The following ATRN variants were observed in gnomAD, a reference collection of about 807,000 sequenced individuals.
ATRN encodes attractin-2.
Under a neutral mutation model 178.7 loss-of-function variants are expected in ATRN, and 54 were observed. The ratio of observed to expected loss-of-function variants is 0.30; its 90% CI spans 0.24 to 0.38. The LOEUF is 0.38. Among genes scored for constraint, ATRN ranks in the 10% least tolerant of loss-of-function variants. The pLI is 1.00. For synonymous variants in ATRN, 636 were observed against 663.0 expected (o/e 0.96, Z 0.63); for missense variants, 1,443 against 1,815.1 (o/e 0.79, Z 3.73).
Position 3,479,541 on chromosome 20 carries a change from T to C in ATRN, c.410+8024T>C, listed in dbSNP as rs534251360. 1.1e-4 allele frequency among the ~76,000 whole-genome samples: 16 copies of C among 152,306 alleles called. 1 individual carries two copies. The South Asian group carries it at 3.3e-3, about 32-fold the overall frequency. On this transcript the variant is annotated intron_variant, in intron 1 of 28. Transcript: ENST00000262919. ...GGGGAGAAAGACATTCCAGAAGGAATGAAGAGTTGATGTGCAAAGGCAAAG... is the reference window on the plus strand; with the variant it reads ...GGGGAGAAAGACATTCCAGAAGGAACGAAGAGTTGATGTGCAAAGGCAAAG...
At chr20:3,622,157 AT>A (rs1422036621) in intron 24 of ATRN, among the ~76,000 whole-genome samples, 1 of 152,234 alleles carries the variant, frequency 6.6e-6, no homozygotes, top group Non-Finnish European at 1.5e-5. Context: ...TGATAGCTCC[AT>A]CATGGAGTCC....
chr20:3,639,036 C>T, intron 27 of ATRN, 101 bp downstream of exon 27: 2 of 772,984 alleles, frequency 2.6e-6, no homozygotes, highest in South Asian at 4.2e-5. Context: ...CCATTACCTC[C>T]TTTTTTTCCT....
intron 15 of ATRN, among the ~76,000 whole-genome samples, chr20:3,579,504 CA>C (rs888383064): frequency 6.6e-6 from 1 of 151,668 alleles, no homozygotes; most frequent in African/African-American, 2.4e-5. Context: ...AAAAGAACAG[CA>C]AAAAAAAGAA....
In ATRN at chr20:3,643,507, TA is replaced by T. The variant is rs545839327; in HGVS notation, c.4051-636del. ...ATAGTGAGACCCCATTTCTATTCTT[TA>T]AAAAAAAAAAGGAAAGGAAAGAAAA... On this transcript the variant is annotated intron_variant, in intron 27 of 28. Transcript: ENST00000262919. Among the ~76,000 whole-genome samples the T allele has an allele frequency of 6.5e-4, 94 of 144,018 alleles. 1 individual carries two copies. Among genetic ancestry groups the T allele is most frequent in the Admixed American group, 7.6e-4 (11 of 14,464 alleles). The allele number at this position is 144,018 out of a possible 152,430, so 94.5% of individuals were successfully genotyped here. A position where few individuals can be genotyped will look rare whatever the true frequency, so the allele number is the denominator to read the frequency against.
chr20:3,523,507 A>G (rs2085324071), intron 1 of ATRN, among the ~76,000 whole-genome samples: 1 of 152,180 alleles, frequency 6.6e-6, no homozygotes, highest in South Asian at 2.1e-4. Flanking sequence ...GATATTTTCC[A>G]GGAGAACTTC....
At chr20:3,609,863 AAT>A (rs1220317305) in intron 24 of ATRN, among the ~76,000 whole-genome samples, 1 of 152,206 alleles carries the variant, frequency 6.6e-6, no homozygotes, top group Non-Finnish European at 1.5e-5. Flanking sequence ...CAAGAGGACA[AAT>A]ATTGAATGAT....
At chr20:3,618,642 C>T (rs989377242) in intron 24 of ATRN, among the ~76,000 whole-genome samples, 7 of 152,118 alleles carry the variant, frequency 4.6e-5, no homozygotes, top group African/African-American at 1.4e-4. Context: ...GGTGAGTGTT[C>T]GTTTGCATGG....
chr20:3,599,742 C>T (rs1300121865), intron 22 of ATRN, among the ~76,000 whole-genome samples: 2 of 152,134 alleles, frequency 1.3e-5, no homozygotes, highest in Non-Finnish European at 2.9e-5. Context: ...GTCCTGGAAC[C>T]GATGACCCAC....
chr20:3,516,346 G>A (rs529831949), intron 1 of ATRN, among the ~76,000 whole-genome samples: 1 of 152,134 alleles, frequency 6.6e-6, no homozygotes, highest in African/African-American at 2.4e-5. Flanking sequence ...AGAGAGTTGG[G>A]CTTCTCCAGG....
At chr20:3,609,449 A>G (rs2086729618) in intron 24 of ATRN, among the ~76,000 whole-genome samples, 1 of 152,168 alleles carries the variant, frequency 6.6e-6, no homozygotes. Flanking sequence ...TTTTCTGTAT[A>G]TAAGATTATA....
chr20:3,588,164 G>A (rs767138152), intron 18 of ATRN, among the ~76,000 whole-genome samples: 4 of 152,066 alleles, frequency 2.6e-5, no homozygotes, highest in Non-Finnish European at 4.4e-5. Flanking sequence ...ATCTTAACAA[G>A]GTTAAATCTT....
At chr20:3,608,238 T>C (rs1018428860) in intron 24 of ATRN, among the ~76,000 whole-genome samples, 5 of 152,202 alleles carry the variant, frequency 3.3e-5, no homozygotes, top group African/African-American at 1.2e-4. Flanking sequence ...ATTTTTGCTT[T>C]TGTTGCCTGT....
chr20:3,543,665 C>T (rs201335599), intron 3 of ATRN, among the ~76,000 whole-genome samples: 3 of 150,364 alleles, frequency 2.0e-5, no homozygotes, highest in African/African-American at 7.4e-5. Flanking sequence ...GTGGAGGTTG[C>T]GGTGAGCCGA....
At chr20:3,523,029 C>T (rs112727900) in intron 1 of ATRN, among the ~76,000 whole-genome samples, 2 of 151,988 alleles carry the variant, frequency 1.3e-5, no homozygotes, top group East Asian at 1.9e-4. Flanking sequence ...CACAACTCCT[C>T]GCCAGCAAGG....
At chr20:3,563,037 T>C (rs1457938211) in intron 9 of ATRN, among the ~76,000 whole-genome samples, 172 bp from the exon 10 acceptor site, 1 of 152,240 alleles carries the variant, frequency 6.6e-6, no homozygotes, top group African/African-American at 2.4e-5. Flanking sequence ...TACAGGTCTT[T>C]AAAATTATCT....
At chr20:3,564,159 A>G (rs1428535269) in intron 10 of ATRN, among the ~76,000 whole-genome samples, 1 of 152,210 alleles carries the variant, frequency 6.6e-6, no homozygotes, top group East Asian at 1.9e-4. Context: ...TTGTACATTG[A>G]GGAGATCAGA....
At chr20:3,490,967 C>T in intron 1 of ATRN, 2 of 1,537,470 alleles carry the variant, frequency 1.3e-6, no homozygotes, top group Non-Finnish European at 1.8e-6. Flanking sequence ...TTTCCTTCTC[C>T]TCATGATAGC....
chr20:3,628,173 A>G (rs1040837251), intron 25 of ATRN, among the ~76,000 whole-genome samples: 1 of 152,234 alleles, frequency 6.6e-6, no homozygotes, highest in Non-Finnish European at 1.5e-5. Context: ...CTCCATCTCA[A>G]AAAACAAAAA....
intron 1 of ATRN, among the ~76,000 whole-genome samples, chr20:3,500,604 C>T (rs1377789495): frequency 6.8e-6 from 1 of 147,958 alleles, no homozygotes; most frequent in East Asian, 2.0e-4. Flanking sequence ...CCAAACACTG[C>T]ATATTCTCAC....
Sources: gnomAD v4.1 joint callset for allele counts (sites outside exome capture counted in the v4.1 genomes callset) on GRCh38, gnomAD v4.1.1 for gene constraint, MANE v1.5 for transcripts, NCBI Gene and HGNC (gene_info 2026-07-23, HGNC 2026-07-21) for gene names.